The following HIPK3 variants were observed in gnomAD, a reference collection of about 807,000 sequenced individuals.
The protein encoded by HIPK3 is homeodomain interacting protein kinase 3, also known as homeodomain-interacting protein kinase 3.
Under a neutral mutation model 124.2 loss-of-function variants are expected in HIPK3, and 47 were observed. The ratio of observed to expected loss-of-function variants is 0.38; its 90% CI spans 0.30 to 0.48. The LOEUF (loss-of-function observed/expected upper bound fraction) is 0.48, where lower values mean the gene tolerates loss of function less well. Among genes scored for constraint, HIPK3 ranks in the 20% least tolerant of loss-of-function variants. The pLI, the probability that HIPK3 is intolerant of heterozygous loss-of-function variation, is 0.98. For missense variants in HIPK3, 1,286 were observed against 1,454.3 expected (o/e 0.88, Z 1.88); for synonymous variants, 482 against 515.2 (o/e 0.94, Z 0.87).
chr11:33,345,443 T>C (rs1345015185), intron 8 of HIPK3, among the ~76,000 whole-genome samples: 1 of 152,096 alleles, frequency 6.6e-6, no homozygotes, highest in Non-Finnish European at 1.5e-5. Context: ...ATACAAAAAT[T>C]AAGATCTTAT....
chr11:33,317,201 A>G (rs368042656), intron 2 of HIPK3, among the ~76,000 whole-genome samples: 14 of 150,060 alleles, frequency 9.3e-5, no homozygotes, highest in African/African-American at 3.2e-4. Flanking sequence ...TGAACTCTTG[A>G]CCTCAAGTGA....
intron 13 of HIPK3, 73 bp from the exon 14 acceptor site, chr11:33,349,074 A>C: frequency 2.2e-6 from 3 of 1,356,394 alleles, no homozygotes; most frequent in South Asian, 1.3e-5. Context: ...TTAATTAAAG[A>C]ATATAAATTT....
At position 33,283,105 on chromosome 11, in the gene HIPK3, C is replaced by G. The variant is rs554787759; in HGVS notation, c.-2-3308C>G. The stretch of plus-strand genomic sequence containing the variant: ...AGATGCCAATGAGATGTTTGGAACT[C>G]CAGAATTTCTTTTTTTTTTTTTTGA... On this transcript the variant is annotated intron_variant, in intron 1 of 16. Transcript: ENST00000303296. Among the ~76,000 whole-genome samples, 36 of 151,918 alleles carry G rather than the reference C, an allele frequency of 2.4e-4. No homozygotes were observed. In the East Asian group the frequency reaches 3.3e-3, roughly 14 times the overall value.
chr11:33,328,037 A>G (rs1332070793), intron 2 of HIPK3, among the ~76,000 whole-genome samples: 2 of 152,190 alleles, frequency 1.3e-5, no homozygotes, highest in Non-Finnish European at 2.9e-5. Context: ...AATTAGGTAA[A>G]TATTTATTAC....
In HIPK3 at chr11:33,257,546, G is replaced by T; in HGVS notation, c.-346G>T. The T allele has an allele frequency of 1.0e-6, 1 of 985,562 alleles. No individual in the cohort carries two copies. The highest frequency in any genetic ancestry group is 1.2e-6 in the Non-Finnish European group (1 of 830,024). The allele number at this position is 985,562 out of a possible 1,614,324, so 61.1% of individuals were successfully genotyped here. On this transcript the variant is annotated 5_prime_UTR_variant, in exon 1 of 17. Coordinates refer to ENST00000303296, the MANE Select transcript of HIPK3 (RefSeq NM_005734.5). ...GTGGGCCCCGCACCCTGCGTCGCCCGTAGGCCCCAGTAGCCGGAGGCCGAC... is the reference window on the plus strand; with the variant it reads ...GTGGGCCCCGCACCCTGCGTCGCCCTTAGGCCCCAGTAGCCGGAGGCCGAC...
At chr11:33,345,659 A>G (rs2133993991) in intron 8 of HIPK3, among the ~76,000 whole-genome samples, 1 of 151,948 alleles carries the variant, frequency 6.6e-6, no homozygotes, top group African/African-American at 2.4e-5. Context: ...ATTGCAATAT[A>G]TCTACACTGC....
chr11:33,353,350 A>G lies in HIPK3; in HGVS notation c.3430A>G (p.Arg1144Gly). Reference protein sequence around the residue: ...AHLLASPCTSRPMLQHPTYNI... With the variant: ...AHLLASPCTSGPMLQHPTYNI... ...CCTGTTAGCCTCTCCGTGTACCTCA[A>G]GACCTATGTTACAGCATCCAACTTA... is the stretch of plus-strand genomic sequence containing the variant. Residue 1144 changes from arginine to glycine, a missense_variant, in exon 17 of 17, where the codon AGA becomes GGA. Physicochemically the swap from Arg to Gly is moderately radical, Grantham distance 125. Around this residue, in one of 3 missense-constraint regions of HIPK3, gnomAD observed 810 missense variants for 864.9 expected, o/e 0.94. Transcript: ENST00000303296. The G allele has an allele frequency of 1.2e-6, 2 of 1,614,154 alleles. No homozygotes were observed. The highest frequency in any genetic ancestry group is 1.7e-6 in the Non-Finnish European group (2 of 1,180,018).
At chr11:33,336,220 A>G (rs560058839) in intron 3 of HIPK3, among the ~76,000 whole-genome samples, 35 of 152,332 alleles carry the variant, frequency 2.3e-4, no homozygotes, top group Non-Finnish European at 2.4e-4. Context: ...CAAGAGAGCC[A>G]TACAGATATC....
rs750795498 is a variant in HIPK3, at chr11:33,348,638, CAGA to C, written c.2489_2491del (p.Glu830del). ...ATAGAAACACAGGACAATCAGAACTCAGAAGGAGAGGCAAGAAATTGCTGTGAA... is the reference window on the plus strand; with the variant it reads ...ATAGAAACACAGGACAATCAGAACTCAGGAGAGGCAAGAAATTGCTGTGAA... On this transcript the variant is annotated inframe_deletion, in exon 13 of 17. Transcript: ENST00000303296. 1.8e-5 allele frequency: 29 copies of C among 1,614,000 alleles called. No homozygotes were observed. The African/African-American group carries it at 2.3e-4, about 13-fold the overall frequency.
chr11:33,276,235 A>G (rs762520086), intron 1 of HIPK3, among the ~76,000 whole-genome samples: 7 of 152,032 alleles, frequency 4.6e-5, no homozygotes, highest in African/African-American at 1.7e-4. Flanking sequence ...AACTCTAACT[A>G]ATTGCATAAA....
At chr11:33,320,716 A>G (rs1371560197) in intron 2 of HIPK3, among the ~76,000 whole-genome samples, 2 of 152,204 alleles carry the variant, frequency 1.3e-5, no homozygotes, top group Non-Finnish European at 2.9e-5. Flanking sequence ...TTTGATTCTC[A>G]CAGGTTGTGG....
intron 2 of HIPK3, among the ~76,000 whole-genome samples, chr11:33,296,731 T>G (rs1242357197): frequency 2.6e-5 from 4 of 152,186 alleles, no homozygotes; most frequent in Admixed American, 1.3e-4. Context: ...GTAATAAATG[T>G]GTGAGCTCCG....
chr11:33,346,767 C>G (rs1185041101), intron 8 of HIPK3, among the ~76,000 whole-genome samples: 1 of 152,096 alleles, frequency 6.6e-6, no homozygotes, highest in East Asian at 1.9e-4. Context: ...CATTTTGAAA[C>G]AGAAAGGGAA....
intron 2 of HIPK3, among the ~76,000 whole-genome samples, chr11:33,310,281 T>TATCTATCTATCTATC (rs1554965371): frequency 0.035 from 4,278 of 120,938 alleles, 79 homozygotes; most frequent in Admixed American, 0.043. Context: ...TCTGTCTATC[T>TATCTATCTATCTATC]TATCTATCTA....
intron 1 of HIPK3, among the ~76,000 whole-genome samples, chr11:33,278,822 C>T (rs943151239): frequency 1.1e-4 from 17 of 150,258 alleles, no homozygotes; most frequent in Admixed American, 4.0e-4. Context: ...CCAGCCTGGG[C>T]GACAGAGCGA....
At chr11:33,335,990 A>G (rs1853134859) in intron 3 of HIPK3, among the ~76,000 whole-genome samples, 1 of 152,172 alleles carries the variant, frequency 6.6e-6, no homozygotes. Flanking sequence ...TAAGTAAACA[A>G]AAAAATTCTT....
intron 2 of HIPK3, among the ~76,000 whole-genome samples, chr11:33,290,764 G>A (rs1168706104): frequency 6.6e-6 from 1 of 151,804 alleles, no homozygotes; most frequent in Admixed American, 6.6e-5. Flanking sequence ...CTAGCATTAG[G>A]CCTTTGCACA....
intron 2 of HIPK3, among the ~76,000 whole-genome samples, chr11:33,326,513 C>T (rs889770394): frequency 3.9e-5 from 6 of 152,090 alleles, no homozygotes; most frequent in Admixed American, 6.5e-5. Flanking sequence ...GAAAAGATAC[C>T]AGAGATCCTC....
chr11:33,292,383 G>A (rs1434291814), intron 2 of HIPK3, among the ~76,000 whole-genome samples: 1 of 152,130 alleles, frequency 6.6e-6, no homozygotes, highest in African/African-American at 2.4e-5. Flanking sequence ...ATTTAATGGA[G>A]GGGAAAAATA....
Sources: allele counts gnomAD v4.1 joint callset (sites outside exome capture counted in the v4.1 genomes callset), GRCh38; gene constraint gnomAD v4.1.1; regional missense constraint gnomAD v4.1.1; transcripts MANE v1.5; gene names NCBI Gene and HGNC (gene_info 2026-07-23, HGNC 2026-07-21).